CYBA: variants seen among roughly 807,000 people sequenced by gnomAD.
The protein encoded by CYBA is cytochrome b-245 light chain.
Under a neutral mutation model 20.8 loss-of-function variants are expected in CYBA, and 21 were observed. The ratio of observed to expected loss-of-function variants is 1.01; its 90% CI spans 0.72 to 1.46. The LOEUF is 1.46. Ranked by LOEUF, CYBA falls within the 40% of genes most tolerant of loss-of-function variation. The pLI, the probability that CYBA is intolerant of heterozygous loss-of-function variation, is 0.00. For synonymous variants in CYBA, 164 were observed against 127.5 expected (o/e 1.29, Z -1.93); for missense variants, 344 against 287.0 (o/e 1.20, Z -1.43).
chr16:88,644,869 A>G (rs559467555), intron 5 of CYBA: 2 of 454,562 alleles, frequency 4.4e-6, no homozygotes, highest in East Asian at 3.7e-5. Flanking sequence ...CACAATAGAA[A>G]AATGGGCAAA....
At position 88,647,666 on chromosome 16, in the gene CYBA, C is replaced by T. The variant is rs1350497747; in HGVS notation, c.128+379G>A. The T allele has an allele frequency of 1.0e-5, 4 of 387,682 alleles. No individual in the cohort carries two copies. In the East Asian group the frequency reaches 2.4e-4, roughly 23 times the overall value. 24.0% of individuals were successfully genotyped at this position (387,682 alleles called of 1,614,324 possible). ...CCACCCTGCCCAGTGCTCCTTGTCG[C>T]AAGGTCCGGCTGGGCGGCAGGGCTG... On this transcript the variant is annotated intron_variant, in intron 2 of 5. Transcript: ENST00000261623.
intron 1 of CYBA, among the ~76,000 whole-genome samples, chr16:88,649,095 A>G (rs540086364): frequency 5.8e-4 from 87 of 149,926 alleles, no homozygotes; most frequent in African/African-American, 1.3e-3. Flanking sequence ...CTGCCACCAT[A>G]CCCGGCTAAT....
intron 5 of CYBA, chr16:88,645,078 G>C: frequency 7.5e-6 from 5 of 668,514 alleles, no homozygotes; most frequent in Non-Finnish European, 1.4e-5. Flanking sequence ...GAGCCCGGCA[G>C]GGTGAACGGT....
At chr16:88,646,551 G>C in intron 4 of CYBA, 2 of 703,300 alleles carry the variant, frequency 2.8e-6, no homozygotes, top group Non-Finnish European at 5.2e-6. Flanking sequence ...GGAGCTCCTC[G>C]GATTTGGAGT....
intron 1 of CYBA, chr16:88,650,545 A>T (rs1907478254): frequency 2.1e-6 from 1 of 484,244 alleles, no homozygotes. Context: ...AGCGACCTCC[A>T]GGCCAGCTGG....
chr16:88,647,907 C>T lies in CYBA; in HGVS notation c.128+138G>A, dbSNP rs907622715. The T allele has an allele frequency of 3.5e-6, 3 of 855,834 alleles. No homozygotes were observed. The African/African-American group carries it at 5.0e-5, about 14-fold the overall frequency. 53.0% of individuals were successfully genotyped at this position (855,834 alleles called of 1,614,324 possible). A position where few individuals can be genotyped will look rare whatever the true frequency, so the allele number is the denominator to read the frequency against. ...GCCTGGCTGCTGGGGCCTGGGCTGC[C>T]CAACCCGTGCACAGCCCACCCTGTG... is the stretch of plus-strand genomic sequence containing the variant. On this transcript the variant is annotated intron_variant, in intron 2 of 5. Transcript: ENST00000261623.
chr16:88,646,550 C>T (rs575403684), intron 4 of CYBA: 30 of 703,024 alleles, frequency 4.3e-5, no homozygotes, highest in Admixed American at 2.0e-4. Context: ...CGGAGCTCCT[C>T]GGATTTGGAG....
chr16:88,648,717 A>T (rs375655044), intron 1 of CYBA, among the ~76,000 whole-genome samples: 81 of 150,692 alleles, frequency 5.4e-4, no homozygotes, highest in East Asian at 3.5e-3. Flanking sequence ...TCCAGGGTTC[A>T]AGCAATTCTC....
chr16:88,649,537 G>T (rs1447565550), intron 1 of CYBA, among the ~76,000 whole-genome samples: 4 of 152,240 alleles, frequency 2.6e-5, no homozygotes, highest in African/African-American at 9.6e-5. Context: ...CTTTGTCAAG[G>T]CCCTGCTGTC....
chr16:88,650,712 TG>T, intron 1 of CYBA: 1 of 615,346 alleles, frequency 1.6e-6, no homozygotes, highest in Non-Finnish European at 2.9e-6. Context: ...GAGAAGGGAA[TG>T]GGGGAGGGGC....
chr16:88,650,809 T>G, intron 1 of CYBA, 147 bp downstream of exon 1: 2 of 810,332 alleles, frequency 2.5e-6, no homozygotes, highest in Non-Finnish European at 4.0e-6. Context: ...CCCGCCCCCG[T>G]TCCCCGCACC....
Position 88,646,182 on chromosome 16 carries a change from G to A in CYBA, c.303C>T (p.Ala101=), listed in dbSNP as rs768942360. The A allele has an allele frequency of 2.3e-5, 35 of 1,555,422 alleles. No homozygotes were observed. The highest frequency in any genetic ancestry group is 1.7e-4 in the Middle Eastern group (1 of 5,964). Residue 101 remains alanine, a synonymous_variant, in exon 5 of 6, where the codon GCC becomes GCT. Transcript: ENST00000261623. ...AVLHLLLSVP[A]GFLLATILGT... ...CAAGGATGGTGGCCAGCAGGAAGCC[G>A]GCGGGCACCGAGAGCCTGGGGGACA...
chr16:88,643,399 C>T lies in CYBA; in HGVS notation c.542G>A (p.Gly181Glu), dbSNP rs1263657558. 6.5e-7 allele frequency: 1 copy of T among 1,533,834 alleles called. No homozygotes were observed. Among genetic ancestry groups the T allele is most frequent in the Admixed American group, 2.0e-5 (1 of 50,286 alleles). Residue 181 changes from glycine to glutamate, a missense_variant, in exon 6 of 6, where the codon GGA becomes GAA. Transcript: ENST00000261623. This position sits in a 1 kb window ranked among gnomAD's most constrained non-coding sequence, Gnocchi z 4.3. Reference sequence around the variant, plus strand: ...CGGGATGGGGTTGACCTGGGGACCTCCCGGGGGTCCCCCCGCCGCCACCGC... The same window carrying T: ...CGGGATGGGGTTGACCTGGGGACCTTCCGGGGGTCCCCCCGCCGCCACCGC... ...EAAVAAGGPP[G>E]GPQVNPIPVT...
intron 1 of CYBA, among the ~76,000 whole-genome samples, chr16:88,649,183 C>T (rs937614519): frequency 9.2e-5 from 14 of 152,198 alleles, no homozygotes; most frequent in African/African-American, 2.7e-4. Context: ...GTGATCCGCC[C>T]GCCTTGGCCT....
At chr16:88,645,060 G>A in intron 5 of CYBA, 1 of 651,704 alleles carries the variant, frequency 1.5e-6, no homozygotes, top group African/African-American at 1.8e-5. Flanking sequence ...GTCTGCTGAG[G>A]AGCAGCTGAG....
intron 1 of CYBA, chr16:88,650,151 G>T: frequency 3.0e-6 from 1 of 335,400 alleles, no homozygotes; most frequent in Non-Finnish European, 6.0e-6. Context: ...CTCACCCTCA[G>T]CCCCCAGGCC....
At chr16:88,647,271 G>A in intron 2 of CYBA, 96 bp from the exon 3 acceptor site, 2 of 1,215,484 alleles carry the variant, frequency 1.6e-6, no homozygotes, top group Admixed American at 1.9e-5. Flanking sequence ...CCCGAGCACG[G>A]TGGCTCATGC....
intron 3 of CYBA, 63 bp downstream of exon 3, chr16:88,647,038 C>T (rs1181476434): frequency 2.0e-6 from 3 of 1,481,478 alleles, no homozygotes; most frequent in Non-Finnish European, 2.8e-6. Flanking sequence ...CTCCACCCAA[C>T]CCTGTGAGCC....
chr16:88,650,174 T>G (rs1319939883), intron 1 of CYBA: 2 of 341,894 alleles, frequency 5.8e-6, no homozygotes, highest in African/African-American at 4.3e-5. Context: ...TCCCAGGCAC[T>G]CCTCCCCCGG....
Sources: allele counts gnomAD v4.1 joint callset (sites outside exome capture counted in the v4.1 genomes callset), GRCh38; gene constraint gnomAD v4.1.1; non-coding constraint Gnocchi (gnomAD v3.1); transcripts MANE v1.5; gene names NCBI Gene and HGNC (gene_info 2026-07-23, HGNC 2026-07-21).